Variants in IFT56 observed in about 807,000 individuals in gnomAD.
IFT56 encodes intraflagellar transport protein 56.
At chr7:139,181,053 A>G in the IFT56 span, 1 of 1,307,102 alleles carries the variant, frequency 7.7e-7, no homozygotes, top group Non-Finnish European at 1.1e-6. Flanking sequence ...TACAGTAAAA[A>G]TGACTCATTT....
the IFT56 span, among the ~76,000 whole-genome samples, chr7:139,185,765 G>A: frequency 6.6e-6 from 1 of 151,826 alleles, no homozygotes; most frequent in African/African-American, 2.4e-5. Context: ...TTAGTAAGAT[G>A]TACATGGATG....
the IFT56 span, among the ~76,000 whole-genome samples, chr7:139,177,515 C>T: frequency 8.6e-5 from 13 of 151,700 alleles, no homozygotes; most frequent in Admixed American, 5.3e-4. Flanking sequence ...GCATTAGTGG[C>T]ATCAACTAAT....
the IFT56 span, among the ~76,000 whole-genome samples, chr7:139,157,058 G>A: frequency 0.25 from 37,584 of 151,588 alleles, 8,414 homozygotes; most frequent in African/African-American, 0.57. Flanking sequence ...TGGATGAGTT[G>A]GGAGATAATT....
At chr7:139,173,176 G>C in the IFT56 span, 1 of 600,740 alleles carries the variant, frequency 1.7e-6, no homozygotes, top group Admixed American at 2.6e-5. Flanking sequence ...GATCGTATTA[G>C]TGTTTATGGC....
At chr7:139,141,275 C>T in the IFT56 span, among the ~76,000 whole-genome samples, 1 of 148,092 alleles carries the variant, frequency 6.8e-6, no homozygotes, top group African/African-American at 2.5e-5. Flanking sequence ...AAAAAAAAGA[C>T]AGGGTCTCAC....
At chr7:139,140,173 TAA>T in the IFT56 span, among the ~76,000 whole-genome samples, 2 of 152,114 alleles carry the variant, frequency 1.3e-5, no homozygotes, top group African/African-American at 2.4e-5. Context: ...TAACTATGTT[TAA>T]AGAGAGAGTT....
the IFT56 span, among the ~76,000 whole-genome samples, chr7:139,181,898 A>G: frequency 3.3e-5 from 5 of 152,230 alleles, no homozygotes; most frequent in Admixed American, 6.5e-5. Context: ...TACGGTTATG[A>G]AGTACATGAC....
At chr7:139,178,184 T>C in the IFT56 span, 8 of 1,515,758 alleles carry the variant, frequency 5.3e-6, no homozygotes, top group African/African-American at 9.6e-5. Context: ...CTCATGAATA[T>C]ATGTGGGGTT....
At chr7:139,163,868 T>A in the IFT56 span, among the ~76,000 whole-genome samples, 1 of 152,190 alleles carries the variant, frequency 6.6e-6, no homozygotes, top group Non-Finnish European at 1.5e-5. Context: ...TAAATAGATA[T>A]TTCGGGGTCG....
the IFT56 span, chr7:139,133,940 G>A: frequency 6.4e-7 from 1 of 1,563,586 alleles, no homozygotes; most frequent in East Asian, 2.2e-5. Flanking sequence ...ACACTTCTGT[G>A]TGAAGTCTAG....
chr7:139,179,659 TTAAATATTA>T, the IFT56 span: 346 of 1,591,280 alleles, frequency 2.2e-4, no homozygotes, highest in East Asian at 7.5e-3. Context: ...TCTTCTTTTT[TTAAATATTA>T]CAAGAAGAAT....
At chr7:139,158,679 T>G in the IFT56 span, among the ~76,000 whole-genome samples, 1 of 152,068 alleles carries the variant, frequency 6.6e-6, no homozygotes, top group Non-Finnish European at 1.5e-5. Flanking sequence ...TTTGGGAGGC[T>G]GAGATAGGCG....
the IFT56 span, among the ~76,000 whole-genome samples, chr7:139,137,057 C>CT: frequency 6.6e-6 from 1 of 152,098 alleles, no homozygotes; most frequent in East Asian, 1.9e-4. Flanking sequence ...CTTGTAATGA[C>CT]TGAGGCACCT....
At chr7:139,178,682 G>T in the IFT56 span, 2 of 1,266,396 alleles carry the variant, frequency 1.6e-6, no homozygotes, top group Admixed American at 1.8e-5. Context: ...AATGGTCAAG[G>T]GTTAAGGATT....
the IFT56 span, among the ~76,000 whole-genome samples, chr7:139,142,810 C>T: frequency 2.6e-5 from 4 of 151,936 alleles, no homozygotes; most frequent in African/African-American, 7.3e-5. Flanking sequence ...CCAGCCTGGG[C>T]GACAGCACGA....
the IFT56 span, chr7:139,139,995 G>C: frequency 6.2e-7 from 1 of 1,604,248 alleles, no homozygotes; most frequent in Non-Finnish European, 8.5e-7. Context: ...TGAAGCAGCT[G>C]GATTTAAAGG....
the IFT56 span, among the ~76,000 whole-genome samples, chr7:139,165,722 T>C: frequency 2.0e-5 from 3 of 152,136 alleles, no homozygotes; most frequent in African/African-American, 7.2e-5. Flanking sequence ...CTAAGTAAGA[T>C]TGAAATTGTC....
the IFT56 span, chr7:139,168,383 C>T: frequency 6.2e-7 from 1 of 1,611,158 alleles, no homozygotes; most frequent in South Asian, 1.1e-5. Flanking sequence ...AGCCCTTGGC[C>T]AGGAAATGGG....
the IFT56 span, chr7:139,189,489 T>G: frequency 3.3e-6 from 4 of 1,212,940 alleles, no homozygotes; most frequent in African/African-American, 1.5e-5. Context: ...TGGAAATCAT[T>G]TTCACTCCAG....
Sources: allele counts gnomAD v4.1 joint callset (sites outside exome capture counted in the v4.1 genomes callset), GRCh38; gene constraint gnomAD v4.1.1; transcripts MANE v1.5; gene names NCBI Gene and HGNC (gene_info 2026-07-23, HGNC 2026-07-21).